EML5: variants seen among roughly 807,000 people sequenced by gnomAD.
EML5 encodes the protein echinoderm microtubule-associated protein-like 5.
A neutral mutation model predicts 250.0 loss-of-function variants in EML5; 120 were observed. The observed-to-expected ratio is 0.48, with a 90% CI of 0.41 to 0.56. The LOEUF is 0.56. Among genes scored for constraint, EML5 ranks in the 20% least tolerant of loss-of-function variants. The pLI is 0.00. For synonymous variants in EML5, 771 were observed against 806.5 expected, an observed-to-expected ratio of 0.96 and a Z score of 0.75; for missense variants, 2,006 against 2,437.6, an observed-to-expected ratio of 0.82 and a Z score of 3.73.
Position 88,661,095 on chromosome 14 carries a change from GTC to G in EML5, c.3675+557_3675+558del, listed in dbSNP as rs529364104. ...TTAATATTGGGGATAAAAGGAATGT[GTC>G]TCTCTCTCTGACACAGGGTTTTGCG... On this transcript the variant is annotated intron_variant, in intron 25 of 43. Coordinates refer to ENST00000554922, the MANE Select transcript of EML5 (RefSeq NM_183387.3). 7.8e-4 allele frequency among the ~76,000 whole-genome samples: 119 copies of G among 152,168 alleles called. 1 individual carries two copies. The highest frequency in any genetic ancestry group is 3.4e-3 in the Middle Eastern group (1 of 294).
chr14:88,735,079 A>AG (rs1428269252), intron 7 of EML5, among the ~76,000 whole-genome samples: 4 of 152,178 alleles, frequency 2.6e-5, no homozygotes, highest in African/African-American at 9.6e-5. Flanking sequence ...AGATGAAATC[A>AG]GGGAAAAAAA....
chr14:88,657,225 AAGAC>A (rs1841067385), intron 27 of EML5, 147 bp downstream of exon 27: 1 of 711,160 alleles, frequency 1.4e-6, no homozygotes, highest in African/African-American at 1.8e-5. Context: ...AAGGTATTTA[AAGAC>A]AGACATACTT....
At position 88,665,254 on chromosome 14, in the gene EML5, C is replaced by T; in HGVS notation, c.3277+83G>A. The T allele has an allele frequency of 2.1e-6, 3 of 1,400,008 alleles. No individual in the cohort carries two copies. The Middle Eastern group carries it at 5.7e-4, about 264-fold the overall frequency. 86.7% of individuals were successfully genotyped at this position (1,400,008 alleles called of 1,614,324 possible). A position where few individuals can be genotyped will look rare whatever the true frequency, so the allele number is the denominator to read the frequency against. On this transcript the variant is annotated intron_variant, in intron 22 of 43. Coordinates refer to ENST00000554922, the MANE Select transcript of EML5 (RefSeq NM_183387.3). Reference sequence around the variant, plus strand: ...AAAGTTAAGTTCTGAGATAACATAACAGTTAATAAAAATTATACATTGATA... The same window carrying T: ...AAAGTTAAGTTCTGAGATAACATAATAGTTAATAAAAATTATACATTGATA...
At chr14:88,777,076 C>A (rs2094454006) in intron 1 of EML5, among the ~76,000 whole-genome samples, 1 of 151,902 alleles carries the variant, frequency 6.6e-6, no homozygotes, top group African/African-American at 2.4e-5. Flanking sequence ...TATCAGTATC[C>A]AAGTACAAGA....
intron 27 of EML5, among the ~76,000 whole-genome samples, chr14:88,657,104 C>G (rs2091901105): frequency 6.6e-6 from 1 of 152,104 alleles, no homozygotes; most frequent in African/African-American, 2.4e-5. Context: ...AGCAATGCTC[C>G]TGCCTCAGCC....
At chr14:88,782,159 T>C (rs1404731958) in intron 1 of EML5, among the ~76,000 whole-genome samples, 1 of 152,126 alleles carries the variant, frequency 6.6e-6, no homozygotes, top group Non-Finnish European at 1.5e-5. Flanking sequence ...CCTGAGGTGG[T>C]CTCAGATGGA....
rs1035108212 is a variant in EML5 at position 88,752,088 on chromosome 14, G to T, written c.357+2424C>A. Among the ~76,000 whole-genome samples, 6 of 152,200 alleles carry T rather than the reference G, an allele frequency of 3.9e-5. No homozygotes were observed. The East Asian group carries it at 1.2e-3, about 29-fold the overall frequency. ...ATTTTAAGTAATATGTTCTCATGAA[G>T]ATCTCTGATAATGAAATACATGTAC... On this transcript the variant is annotated intron_variant, in intron 2 of 43. Coordinates refer to ENST00000554922, the MANE Select transcript of EML5 (RefSeq NM_183387.3).
Position 88,735,646 on chromosome 14 carries a change from A to G in EML5, c.1049+718T>C, listed in dbSNP as rs765508086. Among the ~76,000 whole-genome samples the G allele has an allele frequency of 2.0e-5, 3 of 152,188 alleles. No individual in the cohort carries two copies. In the South Asian group the frequency reaches 6.2e-4, roughly 32 times the overall value. On this transcript the variant is annotated intron_variant, in intron 7 of 43. Transcript: ENST00000554922. ...TTATCTATCAAAATTTAAAATGCACACATCCTTTGACTACTGCTAAACATT... is the reference window on the plus strand; with the variant it reads ...TTATCTATCAAAATTTAAAATGCACGCATCCTTTGACTACTGCTAAACATT...
At chr14:88,710,993 C>T (rs1010734053) in intron 10 of EML5, among the ~76,000 whole-genome samples, 4 of 152,062 alleles carry the variant, frequency 2.6e-5, no homozygotes, top group African/African-American at 9.7e-5. Context: ...AAGATTAAAG[C>T]ATTTTTGTTT....
Position 88,744,073 on chromosome 14 carries a change from C to A in EML5, c.475G>T (p.Asp159Tyr). Residue 159 changes from aspartate (D) to tyrosine (Y), a missense_variant, in exon 4 of 44, where the codon GAT (aspartate) becomes TAT (tyrosine). Physicochemically the swap from Asp to Tyr is radical, Grantham distance 160. This residue lies in a region of EML5 where 162 missense variants were observed against 212.2 expected (regional missense o/e 0.76). Transcript: ENST00000554922. ...HTDRIFDISW[D>Y]LYQPNKLVSC... ...ACAAGTTTATTTGGCTGGTACAAAT[C>A]CCAAGAAATATCAAATATCTGTAAA... 6.4e-7 allele frequency: 1 copy of A among 1,569,430 alleles called. No homozygotes were observed. The highest frequency in any genetic ancestry group is 8.7e-7 in the Non-Finnish European group (1 of 1,154,026).
chr14:88,774,297 C>T (rs192927230), intron 1 of EML5, among the ~76,000 whole-genome samples: 15 of 152,196 alleles, frequency 9.9e-5, no homozygotes, highest in East Asian at 9.6e-4. Context: ...TCAGAAGCAA[C>T]GATCCAGGGC....
intron 17 of EML5, among the ~76,000 whole-genome samples, chr14:88,688,884 A>T (rs1000584596): frequency 6.6e-6 from 1 of 152,220 alleles, no homozygotes. Context: ...ACGCTTTAGT[A>T]TTGTGAATGT....
chr14:88,733,595 G>C (rs974412003), intron 7 of EML5, among the ~76,000 whole-genome samples: 1 of 152,190 alleles, frequency 6.6e-6, no homozygotes, highest in Non-Finnish European at 1.5e-5. Context: ...ATTATGAATA[G>C]CTCCTAGCAG....
intron 7 of EML5, among the ~76,000 whole-genome samples, chr14:88,729,351 A>T (rs1466021234): frequency 6.6e-6 from 1 of 152,196 alleles, no homozygotes; most frequent in East Asian, 1.9e-4. Flanking sequence ...TGCTCTTACC[A>T]CAAGGGACAG....
At chr14:88,766,504 A>T (rs1202074710) in intron 1 of EML5, among the ~76,000 whole-genome samples, 1 of 152,094 alleles carries the variant, frequency 6.6e-6, no homozygotes, top group East Asian at 1.9e-4. Context: ...GGACGAGGAA[A>T]TTCCTGCCTA....
chr14:88,641,128 C>A (rs1000050784), intron 31 of EML5, among the ~76,000 whole-genome samples: 1 of 151,832 alleles, frequency 6.6e-6, no homozygotes, highest in South Asian at 2.1e-4. Context: ...TAATAAAAAA[C>A]CTATCAAAAA....
At chr14:88,665,583 C>G (rs2092282818) in intron 21 of EML5, 94 bp from the exon 22 acceptor site, 1 of 1,525,776 alleles carries the variant, frequency 6.6e-7, no homozygotes, top group South Asian at 1.3e-5. Context: ...TCCAAGCACT[C>G]TGGGGAGCTG....
chr14:88,714,583 G>A (rs1392753167), intron 9 of EML5, among the ~76,000 whole-genome samples: 1 of 152,140 alleles, frequency 6.6e-6, no homozygotes, highest in Non-Finnish European at 1.5e-5. Flanking sequence ...TAACTGTGAA[G>A]TGGCAGATAC....
At chr14:88,750,781 T>C (rs934409186) in intron 2 of EML5, among the ~76,000 whole-genome samples, 2 of 152,214 alleles carry the variant, frequency 1.3e-5, no homozygotes, top group African/African-American at 4.8e-5. Flanking sequence ...GAGGAGATTA[T>C]TTGTACCTCC....
Sources: allele counts gnomAD v4.1 joint callset (sites outside exome capture counted in the v4.1 genomes callset), GRCh38; gene constraint gnomAD v4.1.1; regional missense constraint gnomAD v4.1.1; transcripts MANE v1.5; gene names NCBI Gene and HGNC (gene_info 2026-07-23, HGNC 2026-07-21).